NOTCH4: variants seen among roughly 807,000 people sequenced by gnomAD.
NOTCH4 encodes neurogenic locus notch homolog protein 4.
NOTCH4 carries 138 observed loss-of-function variants against 189.0 expected under a neutral mutation model. The ratio of observed to expected loss-of-function variants is 0.73; its 90% confidence interval spans 0.64 to 0.84. The LOEUF (loss-of-function observed/expected upper bound fraction) is 0.84, where lower values mean the gene tolerates loss of function less well. NOTCH4 is among the 40% of genes least tolerant of loss of function. The pLI is 0.00. For synonymous variants in NOTCH4, 942 were observed against 1,032.8 expected (o/e 0.91, Z 1.69); for missense variants, 2,286 against 2,605.4 (o/e 0.88, Z 2.67).
At chr6:32,211,305 A>T (rs1582802461) in intron 17 of NOTCH4, among the ~76,000 whole-genome samples, 1 of 144,710 alleles carries the variant, frequency 6.9e-6, no homozygotes, top group African/African-American at 2.6e-5. Flanking sequence ...GTAAATGGGG[A>T]TGTGGCCGGG....
rs776195186 is a variant in NOTCH4, at chr6:32,213,171, C to T, written c.2402G>A (p.Arg801His). The T allele has an allele frequency of 1.5e-5, 25 of 1,613,838 alleles. No individual in the cohort carries two copies. The highest frequency in any genetic ancestry group is 2.2e-5 in the South Asian group (2 of 91,078). ...CLCAMGFQGPRCEGKLRPSCA... is the reference protein window; with the variant it reads ...CLCAMGFQGPHCEGKLRPSCA... ...GCTGGGGCGGAGCTTTCCCTCACAG[C>T]GCGGGCCCTGGAAGCCCATGGCACA... The change falls in exon 15 of 30, where the codon CGC (arginine) becomes CAC (histidine). Residue 801 changes from arginine (R) to histidine (H), a missense_variant. Arg to His is a conservative substitution (Grantham distance 29). Transcript: ENST00000375023.
chr6:32,200,923 A>G lies in NOTCH4; in HGVS notation c.4223T>C (p.Leu1408Pro). ...AGCCATCGCAGCAAGGAAGCGGAGTAGAAGCCCAGGGTCCCAGGGACAGCG... is the reference window on the plus strand; with the variant it reads ...AGCCATCGCAGCAAGGAAGCGGAGTGGAAGCCCAGGGTCCCAGGGACAGCG... ...ASRCPWDPGL[L>P]LRFLAAMAAV... Residue 1408 changes from leucine (L) to proline (P), a missense_variant, in exon 23 of 30, where the codon CTA (leucine) becomes CCA (proline). Physicochemically the swap from Leu to Pro is moderately conservative, Grantham distance 98. Around this residue, in one of 2 missense-constraint regions of NOTCH4, gnomAD observed 1,903 missense variants for 2,261.9 expected, o/e 0.84. Coordinates refer to ENST00000375023, the MANE Select transcript of NOTCH4 (RefSeq NM_004557.4). The surrounding 1 kb of genome is among the most constrained non-coding windows in gnomAD (Gnocchi z 5.0). The G allele has an allele frequency of 6.2e-7, 1 of 1,609,078 alleles. No homozygotes were observed. Among genetic ancestry groups the G allele is most frequent in the Non-Finnish European group, 8.5e-7 (1 of 1,178,126 alleles).
chr6:32,218,694 T>G (rs890345618), intron 8 of NOTCH4, among the ~76,000 whole-genome samples: 1 of 152,200 alleles, frequency 6.6e-6, no homozygotes, highest in South Asian at 2.1e-4. Context: ...CTCCTTGATA[T>G]CTACAATGTT....
Position 32,201,996 on chromosome 6 carries a change from TAA to T in NOTCH4, c.3755+78_3755+79del. On this transcript the variant is annotated intron_variant, in intron 21 of 29. Coordinates refer to ENST00000375023, the MANE Select transcript of NOTCH4 (RefSeq NM_004557.4). The surrounding 1 kb of genome is among the most constrained non-coding windows in gnomAD (Gnocchi z 5.5). ...GGAGCCCAAGGCTGTGGCCACACTG[TAA>T]CTCAGAGCCATCTACGTCCTTCCTC... The T allele has an allele frequency of 7.5e-7, 1 of 1,326,928 alleles. No homozygotes were observed. The highest frequency in any genetic ancestry group is 2.5e-5 in the East Asian group (1 of 40,170). 82.2% of individuals were successfully genotyped at this position (1,326,928 alleles called of 1,614,324 possible).
chr6:32,215,165 C>G, intron 12 of NOTCH4, 61 bp downstream of exon 12: 3 of 1,429,098 alleles, frequency 2.1e-6, no homozygotes, highest in Non-Finnish European at 2.8e-6. Context: ...GCTGTCTTCT[C>G]CTGTCCTAGC....
chr6:32,213,346 C>T (rs1200701446), intron 14 of NOTCH4, 94 bp from the exon 15 acceptor site: 3 of 763,620 alleles, frequency 3.9e-6, no homozygotes, highest in Non-Finnish European at 6.7e-6. Flanking sequence ...ACCCCCCACC[C>T]CCATCAAAAC....
At position 32,199,000 on chromosome 6, in the gene NOTCH4, G is replaced by A. The variant is rs531701972; in HGVS notation, c.4461C>T (p.Phe1487=). The change falls in exon 24 of 30, where the codon TTC becomes TTT. Residue 1487 remains phenylalanine (F), a synonymous_variant. Coordinates refer to ENST00000375023, the MANE Select transcript of NOTCH4 (RefSeq NM_004557.4). The surrounding 1 kb of genome is among the most constrained non-coding windows in gnomAD (Gnocchi z 5.5). ...EHGALWLPPG[F]TRRPRTQSAP... is the part of the protein sequence containing the mutation. Reference sequence around the variant, plus strand: ...CTGACTGAGTCCGAGGCCGTCGAGTGAAACCAGGGGGCAGCCAGAGAGCTC... The same window carrying A: ...CTGACTGAGTCCGAGGCCGTCGAGTAAAACCAGGGGGCAGCCAGAGAGCTC... 2 of 1,612,044 alleles carry A rather than the reference G, an allele frequency of 1.2e-6. No individual in the cohort carries two copies. The highest frequency in any genetic ancestry group is 2.2e-5 in the East Asian group (1 of 44,862).
rs1157278242 is a variant in NOTCH4 at position 32,202,054 on chromosome 6, C to T, written c.3755+22G>A. On this transcript the variant is annotated intron_variant, in intron 21 of 29. Coordinates refer to ENST00000375023, the MANE Select transcript of NOTCH4 (RefSeq NM_004557.4). This position sits in a 1 kb window ranked among gnomAD's most constrained non-coding sequence, Gnocchi z 5.7. ...CTCACCCACCCCTCTCCTTCCCTGG[C>T]TCCAGTGGATTTCAGGCTCACGTGC... The T allele has an allele frequency of 7.0e-7, 1 of 1,433,150 alleles. No individual in the cohort carries two copies. The highest frequency in any genetic ancestry group is 9.2e-7 in the Non-Finnish European group (1 of 1,084,880). 88.8% of individuals were successfully genotyped at this position (1,433,150 alleles called of 1,614,324 possible).
intron 14 of NOTCH4, 101 bp downstream of exon 14, chr6:32,213,587 G>T: frequency 7.4e-7 from 1 of 1,348,976 alleles, no homozygotes; most frequent in Non-Finnish European, 1.0e-6. Context: ...TTCCCAGGCT[G>T]GTCTGTTCAA....
chr6:32,221,616 C>A lies in NOTCH4; in HGVS notation c.452-291G>T, dbSNP rs1789785741. On this transcript the variant is annotated intron_variant, in intron 3 of 29. Transcript: ENST00000375023. This position sits in a 1 kb window ranked among gnomAD's most constrained non-coding sequence, Gnocchi z 4.3. ...TGATCTTGGGGGAGGTGAAAAGCAC[C>A]CCACGTCTGCAGGCAGGAGACTCAG... is the stretch of plus-strand genomic sequence containing the variant. Among the ~76,000 whole-genome samples, 1 of 151,978 alleles carries A rather than the reference C, an allele frequency of 6.6e-6. No individual in the cohort carries two copies. The highest frequency in any genetic ancestry group is 6.5e-5 in the Admixed American group (1 of 15,274).
Position 32,224,063 on chromosome 6 carries a change from C to A in NOTCH4, c.-135G>T. 1.2e-5 allele frequency: 11 copies of A among 885,414 alleles called. No individual in the cohort carries two copies. Among genetic ancestry groups the A allele is most frequent in the Non-Finnish European group, 1.8e-5 (11 of 604,448 alleles). 54.8% of individuals were successfully genotyped at this position (885,414 alleles called of 1,614,324 possible). On this transcript the variant is annotated 5_prime_UTR_variant, in exon 1 of 30. Coordinates refer to ENST00000375023, the MANE Select transcript of NOTCH4 (RefSeq NM_004557.4). ...CCTCCTCGGCCTGCTGCAAGCCTCA[C>A]GTCTGAGCTGTTTCCTGAGTCACAC...
rs1268062009 is a variant in NOTCH4 at position 32,223,000 on chromosome 6, C to A, written c.155+5G>T. On this transcript the variant is annotated splice_donor_5th_base_variant and intron_variant, in intron 2 of 29. Transcript: ENST00000375023. ...CAGTCTCCCACTCCTGCAAGGCACA[C>A]TCACTGGCAGGTCCCTTGTCCCAGA... The A allele has an allele frequency of 6.2e-7, 1 of 1,612,652 alleles. No homozygotes were observed. The highest frequency in any genetic ancestry group is 1.3e-5 in the African/African-American group (1 of 74,816).
In NOTCH4 at chr6:32,204,204, G is replaced by A; in HGVS notation, c.3051C>T (p.Pro1017=). 5 of 1,613,014 alleles carry A rather than the reference G, an allele frequency of 3.1e-6. No homozygotes were observed. The highest frequency in any genetic ancestry group is 4.2e-6 in the Non-Finnish European group (5 of 1,180,012). ...GAGAGTGGCAGGCTGCAGTGCCTGT[G>A]GGGTGGCAGGGCTGGTCCAGACACT... The part of the protein sequence containing the change: ...VDECLDQPCH[P]TGTAACHSLA... Residue 1017 remains proline (P), a synonymous_variant, in exon 19 of 30, where the codon CCC becomes CCT. Transcript: ENST00000375023.
rs763024216 is a variant in NOTCH4 at position 32,195,799 on chromosome 6, C to T, written c.5650G>A (p.Val1884Ile). Residue 1884 changes from valine (V) to isoleucine (I), a missense_variant, in exon 30 of 30, where the codon GTA becomes ATA. Val to Ile is a conservative substitution (Grantham distance 29, BLOSUM62 3). Transcript: ENST00000375023. The surrounding 1 kb of genome is among the most constrained non-coding windows in gnomAD (Gnocchi z 5.4). ...GACLQARTWS[V>I]DLAARGGGAY... is the part of the protein sequence containing the mutation. ...CCGCCCCCCCGCGCAGCCAAGTCTA[C>T]GGACCAAGTCCGAGCCTGCAGACAA... is the stretch of plus-strand genomic sequence containing the variant. The T allele has an allele frequency of 6.2e-6, 10 of 1,603,580 alleles. No individual in the cohort carries two copies. In the South Asian group the frequency reaches 8.8e-5, roughly 14 times the overall value.
At chr6:32,219,809 A>C in intron 7 of NOTCH4, 23 bp from the exon 8 acceptor site, 3 of 1,600,672 alleles carry the variant, frequency 1.9e-6, no homozygotes, top group Middle Eastern at 1.7e-4. Flanking sequence ...AAGAGCTGGG[A>C]GTCCACAGGG....
intron 13 of NOTCH4, 118 bp from the exon 14 acceptor site, chr6:32,213,958 T>A: frequency 6.9e-7 from 1 of 1,450,660 alleles, no homozygotes; most frequent in Non-Finnish European, 9.5e-7. Flanking sequence ...CCCATCAACC[T>A]CCGTTCTCAC....
chr6:32,215,208 G>A lies in NOTCH4; in HGVS notation c.2021+18C>T. The A allele has an allele frequency of 6.3e-7, 1 of 1,576,780 alleles. No individual in the cohort carries two copies. Among genetic ancestry groups the A allele is most frequent in the Non-Finnish European group, 8.6e-7 (1 of 1,163,480 alleles). ...GCCCAAAGGAGGGGGCAGATGGGGA[G>A]GGTCTGGAAGATGTTACCTCTGGCA... is the stretch of plus-strand genomic sequence containing the variant. On this transcript the variant is annotated intron_variant, in intron 12 of 29. Coordinates refer to ENST00000375023, the MANE Select transcript of NOTCH4 (RefSeq NM_004557.4).
Position 32,217,715 on chromosome 6 carries a change from C to T in NOTCH4, c.1624+280G>A, listed in dbSNP as rs891330080. Among the ~76,000 whole-genome samples, 1 of 152,090 alleles carries T rather than the reference C, an allele frequency of 6.6e-6. No homozygotes were observed. The highest frequency in any genetic ancestry group is 1.5e-5 in the Non-Finnish European group (1 of 68,022). ...TGGGTTTATGATGAGAGTGCCAAGA[C>T]CAGCCTGGGACCTCAACATGCATAC... On this transcript the variant is annotated intron_variant, in intron 9 of 29. Transcript: ENST00000375023. This position sits in a 1 kb window ranked among gnomAD's most constrained non-coding sequence, Gnocchi z 4.2.
At position 32,198,761 on chromosome 6, in the gene NOTCH4, C is replaced by T. The variant is rs903013201; in HGVS notation, c.4536-31G>A. The T allele has an allele frequency of 2.0e-5, 31 of 1,584,560 alleles. No individual in the cohort carries two copies. The highest frequency in any genetic ancestry group is 2.6e-5 in the Non-Finnish European group (30 of 1,167,236). On this transcript the variant is annotated intron_variant, in intron 24 of 29. Coordinates refer to ENST00000375023, the MANE Select transcript of NOTCH4 (RefSeq NM_004557.4). This position sits in a 1 kb window ranked among gnomAD's most constrained non-coding sequence, Gnocchi z 5.5. Reference sequence around the variant, plus strand: ...AAGGAATGGGTGGGTAGAGGTTACACGGAATTATGACCATCAGGGTCTCCA... The same window carrying T: ...AAGGAATGGGTGGGTAGAGGTTACATGGAATTATGACCATCAGGGTCTCCA...
Sources: allele counts gnomAD v4.1 joint callset (sites outside exome capture counted in the v4.1 genomes callset), GRCh38; gene constraint gnomAD v4.1.1; regional missense constraint gnomAD v4.1.1; non-coding constraint Gnocchi (gnomAD v3.1); transcripts MANE v1.5; gene names NCBI Gene and HGNC (gene_info 2026-07-23, HGNC 2026-07-21).